NANP: variants seen among roughly 807,000 people sequenced by gnomAD.
NANP encodes N-acylneuraminate-9-phosphatase.
In NANP, 15 loss-of-function variants were observed where a neutral mutation model predicts 16.9. The observed-to-expected ratio is 0.89, with a 90% CI of 0.59 to 1.37. The LOEUF (loss-of-function observed/expected upper bound fraction) is 1.37. Among genes scored for constraint, NANP ranks in the 40% most tolerant of loss-of-function variants. The pLI is 0.00. For missense variants in NANP, 290 were observed against 303.5 expected (o/e 0.96, Z 0.33); for synonymous variants, 135 against 112.6 (o/e 1.20, Z -1.26).
rs77993381 is a variant in NANP at position 25,615,711 on chromosome 20, T to C, written c.*214A>G. On this transcript the variant is annotated 3_prime_UTR_variant, in exon 2 of 2. Coordinates refer to ENST00000304788, the MANE Select transcript of NANP (RefSeq NM_152667.3). ...GGGCTATACTACTGACCTGAATTCATGCAATCTGAATTTTCAGATATAAGT... is the reference window on the plus strand; with the variant it reads ...GGGCTATACTACTGACCTGAATTCACGCAATCTGAATTTTCAGATATAAGT... 20 of 525,066 alleles carry C rather than the reference T, an allele frequency of 3.8e-5. No individual in the cohort carries two copies. In the East Asian group the frequency reaches 5.9e-4, roughly 16 times the overall value. The allele number at this position is 525,066 out of a possible 1,614,324, so 32.5% of individuals were successfully genotyped here.
intron 1 of NANP, among the ~76,000 whole-genome samples, chr20:25,620,341 C>T (rs895759710): frequency 4.6e-5 from 7 of 152,134 alleles, no homozygotes. Context: ...GAAAGGGGCC[C>T]TGCTCTGACA....
chr20:25,613,939 T>C lies in NANP; in HGVS notation c.*1986A>G. On this transcript the variant is annotated 3_prime_UTR_variant, in exon 2 of 2. Transcript: ENST00000304788. The stretch of plus-strand genomic sequence containing the variant: ...CCTGCAGCACACGCCAACCAATCTA[T>C]CAGAGCAATCATGCATGTGACTACT... 2.5e-6 allele frequency: 1 copy of C among 398,108 alleles called. No homozygotes were observed. Among genetic ancestry groups the C allele is most frequent in the Non-Finnish European group, 4.4e-6 (1 of 225,836 alleles). 24.7% of individuals were successfully genotyped at this position (398,108 alleles called of 1,614,324 possible).
At chr20:25,622,051 G>T (rs2065366404) in intron 1 of NANP, among the ~76,000 whole-genome samples, 1 of 152,194 alleles carries the variant, frequency 6.6e-6, no homozygotes, top group Admixed American at 6.5e-5. Context: ...AAAATTAATT[G>T]AAATATCCTT....
intron 1 of NANP, among the ~76,000 whole-genome samples, chr20:25,618,521 G>T (rs1343993204): frequency 1.3e-5 from 2 of 152,072 alleles, no homozygotes; most frequent in Non-Finnish European, 2.9e-5. Context: ...TATAGCAGGT[G>T]CTGCCTAAAT....
In NANP at chr20:25,622,278, G is replaced by A. The variant is rs541449671; in HGVS notation, c.90+1581C>T. Among the ~76,000 whole-genome samples, 5 of 152,376 alleles carry A rather than the reference G, an allele frequency of 3.3e-5. No homozygotes were observed. The East Asian group carries it at 9.6e-4, about 29-fold the overall frequency. On this transcript the variant is annotated intron_variant, in intron 1 of 1. Coordinates refer to ENST00000304788, the MANE Select transcript of NANP (RefSeq NM_152667.3). ...TGTAACTGAGACATGCACGGGGCAT[G>A]TGCAGTGGTGGACAGACAGCGTACG...
chr20:25,622,644 A>C (rs371318853), intron 1 of NANP, among the ~76,000 whole-genome samples: 21 of 152,332 alleles, frequency 1.4e-4, no homozygotes, highest in East Asian at 9.6e-4. Flanking sequence ...GGCACCCCTG[A>C]GGTGGAGGCC....
At position 25,616,511 on chromosome 20, in the gene NANP, A is replaced by C. The variant is rs371925824; in HGVS notation, c.161T>G (p.Val54Gly). The change falls in exon 2 of 2, where the codon GTT becomes GGT. Residue 54 changes from valine (V) to glycine (G), a missense_variant. By Grantham distance (109) the Val-to-Gly change is moderately radical. Transcript: ENST00000304788. ...ATGAAAACATTCCTTGCTGAGTTTA[A>C]CTTGAACTTTATCACAGATGATTTC... ...EAEIICDKVQ[V>G]KLSKECFHPY... 1 of 1,613,156 alleles carries C rather than the reference A, an allele frequency of 6.2e-7. No individual in the cohort carries two copies. Among genetic ancestry groups the C allele is most frequent in the Non-Finnish European group, 8.5e-7 (1 of 1,179,610 alleles).
At chr20:25,623,483 T>C (rs1457958417) in intron 1 of NANP, among the ~76,000 whole-genome samples, 1 of 152,136 alleles carries the variant, frequency 6.6e-6, no homozygotes, top group Non-Finnish European at 1.5e-5. Context: ...TCTGTCGAGC[T>C]CCACACCGAC....
rs555026460 is a variant in NANP at position 25,623,265 on chromosome 20, G to A, written c.90+594C>T. The stretch of plus-strand genomic sequence containing the variant: ...AGGAAGGGCATGCCCTCGCAGCACG[G>A]GCTTTTGCTGTGTCACGTGTCAGAA... On this transcript the variant is annotated intron_variant, in intron 1 of 1. Transcript: ENST00000304788. Among the ~76,000 whole-genome samples the A allele has an allele frequency of 9.2e-5, 14 of 152,346 alleles. 1 individual carries two copies. The South Asian group carries it at 2.7e-3, about 29-fold the overall frequency.
chr20:25,616,320 G>A lies in NANP; in HGVS notation c.352C>T (p.Leu118Phe). The A allele has an allele frequency of 6.2e-7, 1 of 1,614,122 alleles. No homozygotes were observed. Among genetic ancestry groups the A allele is most frequent in the Non-Finnish European group, 8.5e-7 (1 of 1,180,010 alleles). Residue 118 changes from leucine to phenylalanine, a missense_variant, in exon 2 of 2, where the codon CTT becomes TTT. Transcript: ENST00000304788. ...CGGACCTCCTTTCGAAGTTCAGTAAGCATGGCTTTGACGTCTTCTGCTAGT... is the reference window on the plus strand; with the variant it reads ...CGGACCTCCTTTCGAAGTTCAGTAAACATGGCTTTGACGTCTTCTGCTAGT... ...MTLAEDVKAM[L>F]TELRKEVRLL...
At chr20:25,623,222 G>A (rs1436705639) in intron 1 of NANP, among the ~76,000 whole-genome samples, 1 of 152,152 alleles carries the variant, frequency 6.6e-6, no homozygotes. Flanking sequence ...GAGGGGCAGT[G>A]CCGCGGAGGA....
intron 1 of NANP, among the ~76,000 whole-genome samples, chr20:25,621,033 G>T (rs1010380002): frequency 1.3e-5 from 2 of 152,012 alleles, no homozygotes; most frequent in African/African-American, 4.8e-5. Flanking sequence ...CTTGAACATG[G>T]TGCTATCCCT....
In NANP at chr20:25,616,113, C is replaced by T. The variant is rs369744063; in HGVS notation, c.559G>A (p.Val187Ile). 15 of 1,614,014 alleles carry T rather than the reference C, an allele frequency of 9.3e-6. No individual in the cohort carries two copies. Among genetic ancestry groups the T allele is most frequent in the South Asian group, 1.1e-5 (1 of 91,076 alleles). The change falls in exon 2 of 2, where the codon GTC becomes ATC. Residue 187 changes from valine (V) to isoleucine (I), a missense_variant. Coordinates refer to ENST00000304788, the MANE Select transcript of NANP (RefSeq NM_152667.3). Reference protein sequence around the residue: ...LGVQPGDCVMVGDTLETDIQG... With the variant: ...LGVQPGDCVMIGDTLETDIQG... ...ATGTCGGTTTCTAATGTGTCACCGA[C>T]CATCACACAGTCCCCAGGTTGTACT...
In NANP at chr20:25,615,966, G is replaced by A. The variant is rs767189063; in HGVS notation, c.706C>T (p.Leu236Phe). 3.1e-6 allele frequency: 5 copies of A among 1,614,020 alleles called. No homozygotes were observed. The highest frequency in any genetic ancestry group is 4.2e-6 in the Non-Finnish European group (5 of 1,179,976). The change falls in exon 2 of 2, where the codon CTC becomes TTC. Residue 236 changes from leucine (L) to phenylalanine (F), a missense_variant. Transcript: ENST00000304788. The part of the protein sequence containing the change: ...MVSSVLELPA[L>F]LQSIDCKVSM... ...ACTTTGCAGTCTATACTTTGTAAGA[G>A]AGCAGGTAACTCTAGCACAGAAGAA...
chr20:25,618,314 GA>G (rs1393632980), intron 1 of NANP, among the ~76,000 whole-genome samples: 2 of 152,076 alleles, frequency 1.3e-5, no homozygotes, highest in Non-Finnish European at 2.9e-5. Context: ...TAAACAAGCA[GA>G]AAAAGCGGGT....
chr20:25,621,655 C>A (rs944540455), intron 1 of NANP, among the ~76,000 whole-genome samples: 1 of 152,158 alleles, frequency 6.6e-6, no homozygotes, highest in Non-Finnish European at 1.5e-5. Context: ...CCCGGGTTCA[C>A]GCCATTCTCC....
chr20:25,614,395 T>G lies in NANP; in HGVS notation c.*1530A>C, dbSNP rs1286985519. 1 of 152,180 alleles carries G rather than the reference T, an allele frequency of 6.6e-6. No individual in the cohort carries two copies. Among genetic ancestry groups the G allele is most frequent in the Admixed American group, 6.5e-5 (1 of 15,278 alleles). The allele number at this position is 152,180 out of a possible 1,614,324, so 9.4% of individuals were successfully genotyped here. A position where few individuals can be genotyped will look rare whatever the true frequency, so the allele number is the denominator to read the frequency against. ...TTTATTAACCACTTTAATAAGCCCC[T>G]TTATACTTTCTTTTTTTTCAACCAC... On this transcript the variant is annotated 3_prime_UTR_variant, in exon 2 of 2. Coordinates refer to ENST00000304788, the MANE Select transcript of NANP (RefSeq NM_152667.3).
chr20:25,618,788 C>T (rs1229560195), intron 1 of NANP, among the ~76,000 whole-genome samples: 8 of 152,136 alleles, frequency 5.3e-5, no homozygotes, highest in Non-Finnish European at 1.2e-4. Flanking sequence ...CAGCTGCTCA[C>T]AGCAGTAACC....
At chr20:25,623,370 A>C (rs1026130520) in intron 1 of NANP, among the ~76,000 whole-genome samples, 2 of 152,256 alleles carry the variant, frequency 1.3e-5, no homozygotes, top group Non-Finnish European at 2.9e-5. Context: ...GCTTAAGTCC[A>C]GGCTCGGTAC....
Sources: allele counts gnomAD v4.1 joint callset (sites outside exome capture counted in the v4.1 genomes callset), GRCh38; gene constraint gnomAD v4.1.1; transcripts MANE v1.5; gene names NCBI Gene and HGNC (gene_info 2026-07-23, HGNC 2026-07-21).